The following GLIS3 variants were observed in gnomAD, a reference collection of about 807,000 sequenced individuals.
The protein encoded by GLIS3 is zinc finger protein GLIS3.
A neutral mutation model predicts 78.6 loss-of-function variants in GLIS3; 53 were observed. The ratio of observed to expected loss-of-function variants is 0.67; its 90% confidence interval spans 0.54 to 0.85. GLIS3 has a LOEUF of 0.85. GLIS3 is among the 40% of genes least tolerant of loss of function. The probability of loss-of-function intolerance (pLI) is 0.00; values close to 1 mark genes in which losing one functional copy is unlikely to be tolerated. For synonymous variants in GLIS3, 684 were observed against 509.9 expected (o/e 1.34, Z -4.60); for missense variants, 1,703 against 1,231.1 (o/e 1.38, Z -5.74).
chr9:3,862,505 C>A (rs1278162040), intron 8 of GLIS3, among the ~76,000 whole-genome samples: 1 of 152,118 alleles, frequency 6.6e-6, no homozygotes, highest in Non-Finnish European at 1.5e-5. Flanking sequence ...CAAAGTATTT[C>A]TTTGTCAATG....
chr9:4,106,079 C>T (rs1425256906), intron 4 of GLIS3, among the ~76,000 whole-genome samples: 6 of 152,128 alleles, frequency 3.9e-5, no homozygotes, highest in South Asian at 2.1e-4. Flanking sequence ...CATTGTCACA[C>T]CTTTATAACA....
chr9:4,135,332 A>G (rs1049029824), intron 2 of GLIS3, among the ~76,000 whole-genome samples: 7 of 152,302 alleles, frequency 4.6e-5, no homozygotes, highest in Admixed American at 3.9e-4. Flanking sequence ...GACATCTATC[A>G]TTCCCTTAAG....
chr9:4,093,621 G>A (rs1008809029), intron 4 of GLIS3, among the ~76,000 whole-genome samples: 1 of 152,136 alleles, frequency 6.6e-6, no homozygotes, highest in Non-Finnish European at 1.5e-5. Context: ...ATGATAAGGG[G>A]CTATAAATAC....
At chr9:4,023,405 A>G (rs1350030768) in intron 4 of GLIS3, among the ~76,000 whole-genome samples, 1 of 152,190 alleles carries the variant, frequency 6.6e-6, no homozygotes, top group Non-Finnish European at 1.5e-5. Flanking sequence ...ATCTAGAGTG[A>G]GCCTGCTAGC....
intron 2 of GLIS3, among the ~76,000 whole-genome samples, chr9:4,160,372 C>T (rs182703624): frequency 5.8e-4 from 88 of 152,290 alleles, no homozygotes; most frequent in Admixed American, 1.8e-3. Flanking sequence ...AGGAACTCGC[C>T]GGGTTTATGC....
chr9:4,076,601 G>T (rs970678013), intron 4 of GLIS3, among the ~76,000 whole-genome samples: 1 of 152,022 alleles, frequency 6.6e-6, no homozygotes, highest in South Asian at 2.1e-4. Flanking sequence ...CCTCAAAATA[G>T]CCACCAACCA....
intron 8 of GLIS3, among the ~76,000 whole-genome samples, chr9:3,868,554 A>G (rs1386266047): frequency 6.6e-6 from 1 of 152,232 alleles, no homozygotes; most frequent in African/African-American, 2.4e-5. Context: ...TGGCTATTTG[A>G]GAACAAGATG....
At chr9:3,873,546 CAT>C (rs1160155967) in intron 8 of GLIS3, among the ~76,000 whole-genome samples, 1 of 152,138 alleles carries the variant, frequency 6.6e-6, no homozygotes, top group African/African-American at 2.4e-5. Context: ...AAATAAAAAA[CAT>C]ATTGTGCTTG....
intron 4 of GLIS3, among the ~76,000 whole-genome samples, chr9:3,961,166 G>C (rs1043363698): frequency 6.6e-6 from 1 of 152,156 alleles, no homozygotes; most frequent in Non-Finnish European, 1.5e-5. Context: ...ATAGGCCCTT[G>C]CATTATAAGA....
At chr9:4,448,011 C>G in the GLIS3 span, among the ~76,000 whole-genome samples, 4 of 152,142 alleles carry the variant, frequency 2.6e-5, no homozygotes, top group Non-Finnish European at 5.9e-5. Context: ...GTCAGCTTCC[C>G]GAAGAGTTGA....
At chr9:4,106,777 G>A (rs1830786504) in intron 4 of GLIS3, among the ~76,000 whole-genome samples, 2 of 152,178 alleles carry the variant, frequency 1.3e-5, no homozygotes, top group Admixed American at 6.5e-5. Context: ...AGAACTCTCA[G>A]TGATTCATCT....
intron 4 of GLIS3, among the ~76,000 whole-genome samples, chr9:4,084,478 A>G (rs1828847663): frequency 1.3e-5 from 2 of 152,130 alleles, no homozygotes; most frequent in Non-Finnish European, 2.9e-5. Context: ...AGAAACAGCC[A>G]CGGGAAAGGA....
chr9:4,418,684 G>A, the GLIS3 span, among the ~76,000 whole-genome samples: 1 of 152,032 alleles, frequency 6.6e-6, no homozygotes, highest in Non-Finnish European at 1.5e-5. Flanking sequence ...GGATGACAGA[G>A]CCAGAGTCCA....
At chr9:4,264,781 T>C (rs987315118) in intron 2 of GLIS3, among the ~76,000 whole-genome samples, 6 of 152,216 alleles carry the variant, frequency 3.9e-5, no homozygotes, top group Non-Finnish European at 8.8e-5. Flanking sequence ...ATTTACTCAC[T>C]GATTGCTACT....
At chr9:4,408,336 C>G in the GLIS3 span, among the ~76,000 whole-genome samples, 1 of 151,492 alleles carries the variant, frequency 6.6e-6, no homozygotes, top group Non-Finnish European at 1.5e-5. Context: ...CAGCACTGTT[C>G]ACAAGAGCCA....
Position 4,264,685 on chromosome 9 carries a change from T to A in GLIS3, c.388+21353A>T, listed in dbSNP as rs75937351. On this transcript the variant is annotated intron_variant, in intron 2 of 10. Transcript: ENST00000381971. ...CCTTCCCTAAATGTCCTTTCTACAA[T>A]ATTCTCCTCATCCCTCTGAAACCCA... 6.5e-3 allele frequency among the ~76,000 whole-genome samples: 987 copies of A among 152,268 alleles called. 10 individuals carry two copies. The highest frequency in any genetic ancestry group is 0.022 in the African/African-American group (894 of 41,550).
chr9:4,073,506 G>A (rs972251492), intron 4 of GLIS3, among the ~76,000 whole-genome samples: 1 of 152,150 alleles, frequency 6.6e-6, no homozygotes. Context: ...TAGAGAGCTG[G>A]TAGACAGACA....
At chr9:3,834,387 A>T (rs1453157064) in intron 9 of GLIS3, among the ~76,000 whole-genome samples, 2 of 152,238 alleles carry the variant, frequency 1.3e-5, no homozygotes, top group Non-Finnish European at 2.9e-5. Flanking sequence ...AATGCTCTTT[A>T]TCTGTGCTGT....
At chr9:4,267,215 G>A (rs1187604757) in intron 2 of GLIS3, among the ~76,000 whole-genome samples, 1 of 152,058 alleles carries the variant, frequency 6.6e-6, no homozygotes, top group East Asian at 1.9e-4. Context: ...TTCTAAAGTG[G>A]GAGTGTTTTT....
Sources: allele counts gnomAD v4.1 joint callset (sites outside exome capture counted in the v4.1 genomes callset), GRCh38; gene constraint gnomAD v4.1.1; transcripts MANE v1.5; gene names NCBI Gene and HGNC (gene_info 2026-07-23, HGNC 2026-07-21).